Variants in RANBP2 observed in about 807,000 individuals in gnomAD.
RANBP2 encodes RAN binding protein 2.
RANBP2 carries 57 observed loss-of-function variants against 303.6 expected under a neutral mutation model. That is an observed-to-expected ratio of 0.19 (90% CI 0.15 to 0.23). The LOEUF is 0.23. Ranked by LOEUF, RANBP2 falls within the 10% of genes least tolerant of loss-of-function variation. RANBP2 has a pLI of 1.00. For missense variants in RANBP2, 3,138 were observed against 3,780.8 expected (o/e 0.83, Z 4.46); for synonymous variants, 1,167 against 1,301.5 (o/e 0.90, Z 2.23).
At chr2:109,276,004 C>T in the RANBP2 span, among the ~76,000 whole-genome samples, 2 of 152,212 alleles carry the variant, frequency 1.3e-5, no homozygotes, top group East Asian at 3.9e-4. Flanking sequence ...CCCATTTGGT[C>T]TCCAATCCTG....
At chr2:109,682,570 C>T in the RANBP2 span, among the ~76,000 whole-genome samples, 18 of 152,166 alleles carry the variant, frequency 1.2e-4, no homozygotes, top group African/African-American at 4.1e-4. Context: ...TCCCTACCTA[C>T]ATGAAGACGG....
At chr2:109,612,937 G>A in the RANBP2 span, among the ~76,000 whole-genome samples, 7 of 152,226 alleles carry the variant, frequency 4.6e-5, no homozygotes, top group East Asian at 1.3e-3. Context: ...AACTTCTCAT[G>A]TAGGAGGTTG....
intron 1 of RANBP2, among the ~76,000 whole-genome samples, chr2:108,723,631 T>A (rs1470798854): frequency 6.6e-6 from 1 of 152,184 alleles, no homozygotes; most frequent in East Asian, 1.9e-4. Flanking sequence ...CCTCAGACAC[T>A]TTGGTTTGCC....
the RANBP2 span, among the ~76,000 whole-genome samples, chr2:109,023,523 C>T: frequency 6.6e-6 from 1 of 152,174 alleles, no homozygotes; most frequent in Admixed American, 6.5e-5. Context: ...AAAAGTCAGC[C>T]TGGGCACAAT....
At chr2:109,336,483 C>T in the RANBP2 span, among the ~76,000 whole-genome samples, 12,278 of 152,156 alleles carry the variant, frequency 0.081, 1,171 homozygotes, top group African/African-American at 0.23. Context: ...GGTGTGCCCA[C>T]GGCTAGCACG....
the RANBP2 span, among the ~76,000 whole-genome samples, chr2:109,343,590 A>G: frequency 1.2e-3 from 177 of 152,156 alleles, no homozygotes; most frequent in Non-Finnish European, 2.3e-3. Flanking sequence ...CCATGCTCTC[A>G]CAGCTTGCTT....
chr2:108,757,340 T>C (rs1221913575), intron 17 of RANBP2, among the ~76,000 whole-genome samples: 3 of 152,248 alleles, frequency 2.0e-5, no homozygotes, highest in Admixed American at 1.3e-4. Context: ...ATCTGCCATC[T>C]TGTCAAGGCA....
the RANBP2 span, among the ~76,000 whole-genome samples, chr2:109,281,660 C>T: frequency 4.3e-4 from 65 of 152,154 alleles, no homozygotes; most frequent in Non-Finnish European, 1.5e-4. Context: ...GAGTGAGCAG[C>T]TGCTGAATTC....
the RANBP2 span, among the ~76,000 whole-genome samples, chr2:109,266,245 T>C: frequency 6.6e-6 from 1 of 151,870 alleles, no homozygotes; most frequent in Admixed American, 6.6e-5. Context: ...GTGTGTTGTG[T>C]GTGCTGTGTG....
At chr2:109,461,446 C>T in the RANBP2 span, among the ~76,000 whole-genome samples, 3,351 of 130,996 alleles carry the variant, frequency 0.026, 31 homozygotes, top group African/African-American at 0.084. Context: ...AAGACCTGCG[C>T]GGTGATCCAC....
At chr2:109,314,852 A>G in the RANBP2 span, among the ~76,000 whole-genome samples, 1 of 152,256 alleles carries the variant, frequency 6.6e-6, no homozygotes, top group Admixed American at 6.5e-5. Flanking sequence ...CCACCAAAAT[A>G]TTAGAGGAGA....
chr2:108,913,140 G>A, the RANBP2 span, among the ~76,000 whole-genome samples: 1 of 151,936 alleles, frequency 6.6e-6, no homozygotes, highest in Non-Finnish European at 1.5e-5. Flanking sequence ...TAGTAGAGAC[G>A]GGGTTTCACC....
At chr2:108,736,285 T>G in intron 6 of RANBP2, 36 bp downstream of exon 6, 1 of 1,611,892 alleles carries the variant, frequency 6.2e-7, no homozygotes, top group Non-Finnish European at 8.5e-7. Flanking sequence ...TTAGTATAAA[T>G]TGCAGTTTTT....
At chr2:109,451,606 C>T in the RANBP2 span, among the ~76,000 whole-genome samples, 3 of 152,346 alleles carry the variant, frequency 2.0e-5, no homozygotes, top group South Asian at 6.2e-4. Flanking sequence ...AGCTAATGAA[C>T]ACCAGCTGAG....
the RANBP2 span, among the ~76,000 whole-genome samples, chr2:108,999,128 C>T: frequency 6.6e-6 from 1 of 152,184 alleles, no homozygotes; most frequent in South Asian, 2.1e-4. Flanking sequence ...ACTGGAGATG[C>T]CTGGGTGCCG....
chr2:109,666,161 A>G, the RANBP2 span, among the ~76,000 whole-genome samples: 3 of 152,132 alleles, frequency 2.0e-5, no homozygotes, highest in African/African-American at 7.2e-5. Flanking sequence ...ACTGCAAAAT[A>G]AATACATCTA....
chr2:108,879,514 C>G, the RANBP2 span, among the ~76,000 whole-genome samples: 5 of 152,216 alleles, frequency 3.3e-5, no homozygotes, highest in East Asian at 7.7e-4. Context: ...GAAATTAATA[C>G]CAACTGCATA....
the RANBP2 span, among the ~76,000 whole-genome samples, chr2:109,207,965 G>A: frequency 6.6e-6 from 1 of 152,144 alleles, no homozygotes; most frequent in East Asian, 1.9e-4. Context: ...CTCTTACACA[G>A]TTGAGCATTC....
the RANBP2 span, among the ~76,000 whole-genome samples, chr2:109,762,358 C>T: frequency 6.7e-6 from 1 of 150,306 alleles, no homozygotes; most frequent in Non-Finnish European, 1.5e-5. Context: ...GGCGCAAATT[C>T]AATAGCTTTC....
Sources: gnomAD v4.1 joint callset for allele counts (sites outside exome capture counted in the v4.1 genomes callset) on GRCh38, gnomAD v4.1.1 for gene constraint, MANE v1.5 for transcripts, NCBI Gene and HGNC (gene_info 2026-07-23, HGNC 2026-07-21) for gene names.